KCNQ1OT1: variants seen among roughly 807,000 people sequenced by gnomAD.
The protein encoded by KCNQ1OT1 is KCNQ1 antisense RNA 2 (non-protein coding).
Position 2,642,390 on chromosome 11 carries a change from T to A in KCNQ1OT1, n.57605A>T. 2.5e-6 allele frequency: 1 copy of A among 398,228 alleles called. No homozygotes were observed. 24.7% of individuals were successfully genotyped at this position (398,228 alleles called of 1,614,324 possible). The stretch of plus-strand genomic sequence containing the variant: ...GTTGTAAAAGATAATGCCTTCTTGA[T>A]TTCTTTCTCAGCTGGTTCTTTATTG... On this transcript the variant is annotated non_coding_transcript_exon_variant, in exon 1 of 1. Coordinates refer to ENST00000597346, the Ensembl canonical transcript of KCNQ1OT1. This position sits in a 1 kb window ranked among gnomAD's most constrained non-coding sequence, Gnocchi z 4.3.
chr11:2,632,721 A>G (rs1849380972), exon 1 of KCNQ1OT1: 1 of 398,280 alleles, frequency 2.5e-6, no homozygotes, highest in Non-Finnish European at 4.4e-6. Flanking sequence ...ATATTATCCA[A>G]GTTCATCCAT....
In KCNQ1OT1 at chr11:2,683,781, T is replaced by C. The variant is rs1158414965; in HGVS notation, n.16214A>G. On this transcript the variant is annotated non_coding_transcript_exon_variant, in exon 1 of 1. Transcript: ENST00000597346. The surrounding 1 kb of genome is among the most constrained non-coding windows in gnomAD (Gnocchi z 4.7). ...GACATGGGCCTCTAAGGCTGGCTGCTCTTACTCTATACCCCAAAATCCCAG... is the reference window on the plus strand; with the variant it reads ...GACATGGGCCTCTAAGGCTGGCTGCCCTTACTCTATACCCCAAAATCCCAG... The C allele has an allele frequency of 1.5e-5, 6 of 398,506 alleles. No homozygotes were observed. Among genetic ancestry groups the C allele is most frequent in the East Asian group, 3.6e-5 (1 of 28,084 alleles). 24.7% of individuals were successfully genotyped at this position (398,506 alleles called of 1,614,324 possible). A position where few individuals can be genotyped will look rare whatever the true frequency, so the allele number is the denominator to read the frequency against.
exon 1 of KCNQ1OT1, chr11:2,655,660 G>C: frequency 2.5e-6 from 1 of 398,398 alleles, no homozygotes. Context: ...AGTGTGTCTG[G>C]AAAGAGCTGA....
exon 1 of KCNQ1OT1, chr11:2,644,479 G>GT: frequency 5.0e-6 from 2 of 398,106 alleles, no homozygotes; most frequent in African/African-American, 2.1e-5. Context: ...ACCCCGAATT[G>GT]TTTTTTCTGA....
chr11:2,633,289 C>A (rs2133818987), exon 1 of KCNQ1OT1: 1 of 398,472 alleles, frequency 2.5e-6, no homozygotes, highest in East Asian at 3.6e-5. Flanking sequence ...GGATATTAAT[C>A]CCTTGTCAGA....
At position 2,677,978 on chromosome 11, in the gene KCNQ1OT1, G is replaced by A. The variant is rs1331911792; in HGVS notation, n.22017C>T. ...TGGAGCTTTAATTTACATTTCTTTT[G>A]TTGGAAATGAGGTTTTTATCTTTCC... On this transcript the variant is annotated non_coding_transcript_exon_variant, in exon 1 of 1. Transcript: ENST00000597346. This position sits in a 1 kb window ranked among gnomAD's most constrained non-coding sequence, Gnocchi z 4.5. 2.5e-6 allele frequency: 1 copy of A among 397,864 alleles called. No individual in the cohort carries two copies. Among genetic ancestry groups the A allele is most frequent in the Non-Finnish European group, 4.4e-6 (1 of 225,986 alleles). 24.6% of individuals were successfully genotyped at this position (397,864 alleles called of 1,614,324 possible).
In KCNQ1OT1 at chr11:2,647,991, A is replaced by C. The variant is rs952524538; in HGVS notation, n.52004T>G. 3.7e-4 allele frequency: 146 copies of C among 397,412 alleles called. No individual in the cohort carries two copies. Among genetic ancestry groups the C allele is most frequent in the Middle Eastern group, 1.2e-3 (2 of 1,610 alleles). 24.6% of individuals were successfully genotyped at this position (397,412 alleles called of 1,614,324 possible). A position where few individuals can be genotyped will look rare whatever the true frequency, so the allele number is the denominator to read the frequency against. ...TACTTTGGAAGGCCAAGGCAGGCCGATCGCTTGAGTCCAGGAGTTTGAGAC... is the reference window on the plus strand; with the variant it reads ...TACTTTGGAAGGCCAAGGCAGGCCGCTCGCTTGAGTCCAGGAGTTTGAGAC... On this transcript the variant is annotated non_coding_transcript_exon_variant, in exon 1 of 1. Transcript: ENST00000597346. This position sits in a 1 kb window ranked among gnomAD's most constrained non-coding sequence, Gnocchi z 4.0.
rs1849868589 is a variant in KCNQ1OT1 at position 2,657,383 on chromosome 11, T to A, written n.42612A>T. ...CCATTTATATCTTCTTCATTGTCTC[T>A]TACTAAAGTTTTACAATTTTCTCCA... On this transcript the variant is annotated non_coding_transcript_exon_variant, in exon 1 of 1. Coordinates refer to ENST00000597346, the Ensembl canonical transcript of KCNQ1OT1. The surrounding 1 kb of genome is among the most constrained non-coding windows in gnomAD (Gnocchi z 4.8). The A allele has an allele frequency of 2.5e-6, 1 of 398,494 alleles. No homozygotes were observed. 24.7% of individuals were successfully genotyped at this position (398,494 alleles called of 1,614,324 possible). A position where few individuals can be genotyped will look rare whatever the true frequency, so the allele number is the denominator to read the frequency against.
rs534285789 is a variant in KCNQ1OT1 at position 2,692,334 on chromosome 11, C to T, written n.7661G>A. ...TATTGCCACTGTCCTGATAGGCCAC[C>T]ATTTCTCTGTACTGCAGGCATCTCC... is the stretch of plus-strand genomic sequence containing the variant. On this transcript the variant is annotated non_coding_transcript_exon_variant, in exon 1 of 1. Coordinates refer to ENST00000597346, the Ensembl canonical transcript of KCNQ1OT1. The T allele has an allele frequency of 2.3e-4, 90 of 398,982 alleles. No homozygotes were observed. The Admixed American group carries it at 3.1e-3, about 14-fold the overall frequency. The allele number at this position is 398,982 out of a possible 1,614,324, so 24.7% of individuals were successfully genotyped here.
exon 1 of KCNQ1OT1, chr11:2,641,899 C>T (rs1849585098): frequency 2.5e-6 from 1 of 398,424 alleles, no homozygotes; most frequent in Non-Finnish European, 4.4e-6. Flanking sequence ...GCTCTTTTCC[C>T]AGTGTATGTT....
chr11:2,621,000 A>G lies in KCNQ1OT1; in HGVS notation n.78995T>C. 2.5e-6 allele frequency: 1 copy of G among 395,408 alleles called. No homozygotes were observed. The highest frequency in any genetic ancestry group is 4.5e-5 in the Admixed American group (1 of 22,466). The allele number at this position is 395,408 out of a possible 1,614,324, so 24.5% of individuals were successfully genotyped here. On this transcript the variant is annotated non_coding_transcript_exon_variant, in exon 1 of 1. Transcript: ENST00000597346. This position sits in a 1 kb window ranked among gnomAD's most constrained non-coding sequence, Gnocchi z 4.5. Reference sequence around the variant, plus strand: ...TTGTTTGTTTGTTTGTTTTTTGAGAAAGAGTCTTGCTCTGTCTCCCAGGCT... The same window carrying G: ...TTGTTTGTTTGTTTGTTTTTTGAGAGAGAGTCTTGCTCTGTCTCCCAGGCT...
exon 1 of KCNQ1OT1, chr11:2,629,796 T>G: frequency 2.5e-6 from 1 of 398,394 alleles, no homozygotes; most frequent in Middle Eastern, 6.3e-4. Context: ...TTTACTGAGT[T>G]AGATTATTAC....
exon 1 of KCNQ1OT1, chr11:2,648,974 T>A: frequency 2.6e-6 from 1 of 380,056 alleles, no homozygotes; most frequent in East Asian, 3.7e-5. Flanking sequence ...GTCTCTTTTT[T>A]CTTTTTCTTT....
chr11:2,696,253 C>G, exon 1 of KCNQ1OT1: 1 of 398,624 alleles, frequency 2.5e-6, no homozygotes, highest in Non-Finnish European at 4.4e-6. Context: ...CTTTTGCTTT[C>G]AAATATTTAG....
chr11:2,621,448 C>G lies in KCNQ1OT1; in HGVS notation n.78547G>C. On this transcript the variant is annotated non_coding_transcript_exon_variant, in exon 1 of 1. Transcript: ENST00000597346. The surrounding 1 kb of genome is among the most constrained non-coding windows in gnomAD (Gnocchi z 5.7). Reference sequence around the variant, plus strand: ...TCCTTATGGATTCTGGACATAGGACCTTTGCCAGATGAATAGTTTGCAAAT... The same window carrying G: ...TCCTTATGGATTCTGGACATAGGACGTTTGCCAGATGAATAGTTTGCAAAT... 2.5e-6 allele frequency: 1 copy of G among 398,526 alleles called. No individual in the cohort carries two copies. The highest frequency in any genetic ancestry group is 4.4e-5 in the Admixed American group (1 of 22,730). 24.7% of individuals were successfully genotyped at this position (398,526 alleles called of 1,614,324 possible).
chr11:2,648,981 C>CTTTTTTTTTTTTTTTTTTTTTTTCTTTTT, exon 1 of KCNQ1OT1: 1 of 213,306 alleles, frequency 4.7e-6, no homozygotes, highest in Non-Finnish European at 7.8e-6. Flanking sequence ...TTTTCTTTTT[C>CTTTTTTTTTTTTTTTTTTTTTTTCTTTTT]TTTTTTTTTT....
At chr11:2,633,133 C>T (rs1849390690) in exon 1 of KCNQ1OT1, 1 of 398,466 alleles carries the variant, frequency 2.5e-6, no homozygotes, top group Admixed American at 4.4e-5. Context: ...TAATGTCTCA[C>T]TGTGGCTTTG....
At chr11:2,665,608 C>T (rs906030383) in exon 1 of KCNQ1OT1, 9 of 397,166 alleles carry the variant, frequency 2.3e-5, no homozygotes, top group African/African-American at 1.9e-4. Flanking sequence ...CCAGGACACA[C>T]TTAGGCTGTA....
chr11:2,699,845 G>T (rs1850762077), exon 1 of KCNQ1OT1: 1 of 396,810 alleles, frequency 2.5e-6, no homozygotes, highest in South Asian at 1.3e-4. Flanking sequence ...GGACCGCGCT[G>T]AGGGGCGCAC....
Sources: gnomAD v4.1 joint callset for allele counts on GRCh38, gnomAD v4.1.1 for gene constraint, Gnocchi (gnomAD v3.1) non-coding constraint, MANE v1.5 for transcripts, NCBI Gene and HGNC (gene_info 2026-07-23, HGNC 2026-07-21) for gene names.